The following CRYBG3 variants were observed in gnomAD, a reference collection of about 807,000 sequenced individuals.
CRYBG3 encodes crystallin beta-gamma domain containing 3.
In CRYBG3, 127 loss-of-function variants were observed where a neutral mutation model predicts 244.2. The ratio of observed to expected loss-of-function variants is 0.52; its 90% CI spans 0.45 to 0.60. The LOEUF (loss-of-function observed/expected upper bound fraction) is 0.60, where lower values mean the gene tolerates loss of function less well. Ranked by LOEUF, CRYBG3 falls within the 20% of genes least tolerant of loss-of-function variation. CRYBG3 has a pLI of 0.00. For synonymous variants in CRYBG3, 1,132 were observed against 1,195.8 expected, an observed-to-expected ratio of 0.95 and a Z score of 1.10; for missense variants, 3,325 against 3,442.5, an observed-to-expected ratio of 0.97 and a Z score of 0.85.
At chr3:97,836,699 T>TTGC (rs1483669170) in intron 1 of CRYBG3, among the ~76,000 whole-genome samples, 5 of 152,142 alleles carry the variant, frequency 3.3e-5, no homozygotes, top group African/African-American at 1.2e-4. Context: ...GATGAAGTCC[T>TTGC]TGCTGTATTT....
intron 17 of CRYBG3, chr3:97,933,049 T>C: frequency 2.3e-6 from 1 of 432,896 alleles, no homozygotes; most frequent in Non-Finnish European, 4.5e-6. Context: ...GACACAAGGA[T>C]AGATGGTGCC....
intron 2 of CRYBG3, among the ~76,000 whole-genome samples, chr3:97,863,867 C>A (rs924457934): frequency 1.4e-4 from 22 of 152,142 alleles, no homozygotes; most frequent in African/African-American, 4.8e-4. Flanking sequence ...CATGCATGAG[C>A]ATCACATAGT....
At chr3:97,854,098 T>G (rs1384310483) in intron 2 of CRYBG3, among the ~76,000 whole-genome samples, 1 of 152,174 alleles carries the variant, frequency 6.6e-6, no homozygotes, top group Non-Finnish European at 1.5e-5. Context: ...TCCCCCACTT[T>G]ATTTTTGTAT....
At chr3:97,911,087 C>G (rs1383914449) in intron 15 of CRYBG3, among the ~76,000 whole-genome samples, 1 of 152,156 alleles carries the variant, frequency 6.6e-6, no homozygotes, top group African/African-American at 2.4e-5. Flanking sequence ...TTTCTCACCT[C>G]CCTGATTTTG....
At chr3:97,924,172 A>T in intron 17 of CRYBG3, 1 of 317,486 alleles carries the variant, frequency 3.1e-6, no homozygotes, top group Non-Finnish European at 6.0e-6. Flanking sequence ...CAGCATTCCA[A>T]TGGAGCTATG....
chr3:97,912,385 A>G (rs2039882450), intron 16 of CRYBG3, 109 bp downstream of exon 16: 1 of 504,808 alleles, frequency 2.0e-6, no homozygotes, highest in Non-Finnish European at 3.5e-6. Flanking sequence ...TTTATCTTCA[A>G]CAGGCATTTT....
chr3:97,875,988 C>G lies in CRYBG3; in HGVS notation c.4794C>G (p.Tyr1598Ter). The G allele has an allele frequency of 8.1e-7, 1 of 1,231,890 alleles. No individual in the cohort carries two copies. Among genetic ancestry groups the G allele is most frequent in the East Asian group, 3.2e-5 (1 of 31,680 alleles). The allele number at this position is 1,231,890 out of a possible 1,614,324, so 76.3% of individuals were successfully genotyped here. Reference sequence around the variant, plus strand: ...ATGTTTTTAAAATGGGAGAAGTATACCAAATGGATGCCGAGAGCTGTATTG... The same window carrying G: ...ATGTTTTTAAAATGGGAGAAGTATAGCAAATGGATGCCGAGAGCTGTATTG... ...KANVFKMGEV[Y>*]QMDAESCIEK... is the part of the protein sequence containing the mutation. The change falls in exon 4 of 22, where the codon TAC becomes TAG. Residue 1598 changes from tyrosine (Y) to a stop codon, truncating the protein, a stop_gained. Transcript: ENST00000389622. LOFTEE classifies it high-confidence loss of function.
intron 17 of CRYBG3, chr3:97,924,479 A>G (rs779083460): frequency 1.2e-5 from 5 of 430,352 alleles, no homozygotes; most frequent in Non-Finnish European, 2.3e-5. Context: ...GTAGCTTAAG[A>G]TGACAGATAT....
intron 9 of CRYBG3, 129 bp downstream of exon 9, chr3:97,888,584 G>T: frequency 1.5e-6 from 1 of 684,076 alleles, no homozygotes; most frequent in Non-Finnish European, 2.6e-6. Flanking sequence ...GCAAACTATT[G>T]TACTGTAGTG....
chr3:97,873,010 G>T lies in CRYBG3; in HGVS notation c.1816G>T (p.Glu606Ter). Residue 606 changes from glutamate to a stop codon, truncating the protein, a stop_gained, in exon 4 of 22, where the codon GAA (glutamate) becomes TAA (stop). Coordinates refer to ENST00000389622, the MANE Select transcript of CRYBG3 (RefSeq NM_153605.4). LOFTEE classifies it high-confidence loss of function. ...AGCAGTTGTAGCAAGCTTAGGAAAT[G>T]AAAATGCACCTGAGTTGAAATTTGA... ...ESAVVASLGN[E>*]NAPELKFELN... is the part of the protein sequence containing the mutation. 1 of 1,535,804 alleles carries T rather than the reference G, an allele frequency of 6.5e-7. No homozygotes were observed. Among genetic ancestry groups the T allele is most frequent in the Non-Finnish European group, 8.7e-7 (1 of 1,146,768 alleles).
intron 3 of CRYBG3, among the ~76,000 whole-genome samples, chr3:97,871,437 T>G (rs2039300909): frequency 6.6e-6 from 1 of 152,206 alleles, no homozygotes; most frequent in Non-Finnish European, 1.5e-5. Context: ...GATGCTTTAA[T>G]GTGGTGGAGA....
chr3:97,866,994 C>T (rs2039240739), intron 3 of CRYBG3: 1 of 152,176 alleles, frequency 6.6e-6, no homozygotes, highest in Non-Finnish European at 1.5e-5. Context: ...GCAACTTCCT[C>T]CTGACAACTG....
chr3:97,938,194 C>T (rs751601118), intron 19 of CRYBG3, among the ~76,000 whole-genome samples: 105 of 152,056 alleles, frequency 6.9e-4, no homozygotes, highest in Middle Eastern at 3.4e-3. Context: ...AATAATAAGG[C>T]TCTGAGAGAA....
chr3:97,874,428 G>T lies in CRYBG3; in HGVS notation c.3234G>T (p.Lys1078Asn). 6.5e-7 allele frequency: 1 copy of T among 1,534,976 alleles called. No homozygotes were observed. Among genetic ancestry groups the T allele is most frequent in the Non-Finnish European group, 8.7e-7 (1 of 1,146,512 alleles). ...EEVSMIVNSHKPQNNLDSIQV... is the reference protein window; with the variant it reads ...EEVSMIVNSHNPQNNLDSIQV... ...TTAGCATGATAGTAAATTCACATAAGCCCCAAAATAATTTGGATTCTATAC... is the reference window on the plus strand; with the variant it reads ...TTAGCATGATAGTAAATTCACATAATCCCCAAAATAATTTGGATTCTATAC... Residue 1078 changes from lysine to asparagine, a missense_variant, in exon 4 of 22, where the codon AAG becomes AAT. By Grantham distance (94) the Lys-to-Asn change is moderately conservative (BLOSUM62 0). Around this residue, in one of 4 missense-constraint regions of CRYBG3, gnomAD observed 1,526 missense variants for 1,443.2 expected, o/e 1.06. Coordinates refer to ENST00000389622, the MANE Select transcript of CRYBG3 (RefSeq NM_153605.4).
At chr3:97,918,243 A>G (rs2039947976) in intron 17 of CRYBG3, among the ~76,000 whole-genome samples, 1 of 152,180 alleles carries the variant, frequency 6.6e-6, no homozygotes, top group Non-Finnish European at 1.5e-5. Context: ...TTAAGATTTC[A>G]TCTTCATAGA....
chr3:97,853,066 T>C (rs1258622344), intron 2 of CRYBG3, among the ~76,000 whole-genome samples: 1 of 152,152 alleles, frequency 6.6e-6, no homozygotes, highest in Non-Finnish European at 1.5e-5. Flanking sequence ...GTTATATGGA[T>C]AAGTACTTTA....
chr3:97,889,490 TG>T (rs2039548676), intron 10 of CRYBG3, 100 bp downstream of exon 10: 3 of 981,660 alleles, frequency 3.1e-6, no homozygotes, highest in African/African-American at 3.2e-5. Context: ...CCTCCACATA[TG>T]ATTATACTTA....
chr3:97,920,947 T>C (rs2039977707), intron 17 of CRYBG3, among the ~76,000 whole-genome samples: 1 of 152,194 alleles, frequency 6.6e-6, no homozygotes, highest in Admixed American at 6.5e-5. Flanking sequence ...TTTCTTCCTT[T>C]GGCCTCTTTC....
In CRYBG3 at chr3:97,936,769, T is replaced by C; in HGVS notation, c.8382-16T>C. 1.9e-6 allele frequency: 3 copies of C among 1,607,690 alleles called. No individual in the cohort carries two copies. The highest frequency in any genetic ancestry group is 2.5e-6 in the Non-Finnish European group (3 of 1,177,800). ...TGTTTTGAAGTACACTACTTTTTTC[T>C]TTCTTGTTCTCATAGATGGATAGCT... On this transcript the variant is annotated splice_polypyrimidine_tract_variant and intron_variant, in intron 18 of 21. Coordinates refer to ENST00000389622, the MANE Select transcript of CRYBG3 (RefSeq NM_153605.4).
Sources: allele counts gnomAD v4.1 joint callset (sites outside exome capture counted in the v4.1 genomes callset), GRCh38; gene constraint gnomAD v4.1.1; regional missense constraint gnomAD v4.1.1; transcripts MANE v1.5; gene names NCBI Gene and HGNC (gene_info 2026-07-23, HGNC 2026-07-21).